DMD: variants seen among roughly 807,000 people sequenced by gnomAD.
The protein encoded by DMD is dystrophin, also known as mutant dystrophin.
In DMD, 63 loss-of-function variants were observed where a neutral mutation model predicts 330.1. The ratio of observed to expected loss-of-function variants is 0.19; its 90% CI spans 0.16 to 0.24. The LOEUF (loss-of-function observed/expected upper bound fraction) is 0.24. Ranked by LOEUF, DMD falls within the 10% of genes least tolerant of loss-of-function variation. DMD has a pLI of 1.00. For synonymous variants in DMD, 1,223 were observed against 959.8 expected (o/e 1.27, Z -5.07); for missense variants, 3,344 against 2,684.1 (o/e 1.25, Z -5.43).
chrX:32,538,754 G>A (rs774878712), intron 17 of DMD, among the ~76,000 whole-genome samples: 68 of 111,290 alleles, frequency 6.1e-4, no homozygotes, highest in Non-Finnish European at 9.8e-4. Flanking sequence ...ACCACTCCAC[G>A]CCTATTAGAA....
chrX:32,155,932 G>T (rs893952181), intron 44 of DMD, among the ~76,000 whole-genome samples: 1 of 106,908 alleles, frequency 9.4e-6, no homozygotes, highest in African/African-American at 3.4e-5. Context: ...AACAGCTCCA[G>T]AGGGTTAATA....
At chrX:32,567,264 T>G (rs2051838331) in intron 15 of DMD, among the ~76,000 whole-genome samples, 1 of 112,626 alleles carries the variant, frequency 8.9e-6, no homozygotes, top group Admixed American at 9.4e-5. Flanking sequence ...ATCTCTAATT[T>G]TTCCTTAACA....
intron 52 of DMD, among the ~76,000 whole-genome samples, chrX:31,699,829 C>A (rs1000685631): frequency 9.0e-6 from 1 of 111,321 alleles, no homozygotes; most frequent in Non-Finnish European, 1.9e-5. Context: ...GGTTCATGAG[C>A]ACTCACTGTA....
intron 62 of DMD, among the ~76,000 whole-genome samples, chrX:31,319,805 T>C (rs905091402): frequency 1.8e-5 from 2 of 112,547 alleles, no homozygotes; most frequent in African/African-American, 6.5e-5. Flanking sequence ...GAAGAACAAT[T>C]TTCTAACTCA....
chrX:31,925,840 C>T (rs1383934271), intron 47 of DMD, among the ~76,000 whole-genome samples: 2 of 103,103 alleles, frequency 1.9e-5, no homozygotes, highest in African/African-American at 7.2e-5. Flanking sequence ...CCATTGCACT[C>T]CAGCCTGGGC....
intron 55 of DMD, among the ~76,000 whole-genome samples, chrX:31,565,096 T>G (rs186555187): frequency 4.5e-5 from 5 of 112,210 alleles, no homozygotes; most frequent in Admixed American, 1.9e-4. Flanking sequence ...TATGTTCACA[T>G]GTAGTTGTGA....
chrX:33,019,993 G>T, intron 2 of DMD, 146 bp downstream of exon 2: 1 of 436,212 alleles, frequency 2.3e-6, no homozygotes. Context: ...AAATAAGAGT[G>T]AACATAATAT....
At chrX:31,626,088 G>A (rs1305439002) in intron 55 of DMD, among the ~76,000 whole-genome samples, 1 of 110,692 alleles carries the variant, frequency 9.0e-6, no homozygotes, top group Non-Finnish European at 1.9e-5. Flanking sequence ...GGGTTCAAGC[G>A]ATTCTCCCAC....
chrX:31,888,931 C>T (rs2094194630), intron 47 of DMD, among the ~76,000 whole-genome samples: 1 of 112,110 alleles, frequency 8.9e-6, no homozygotes, highest in Non-Finnish European at 1.9e-5. Context: ...GTGGATTTTA[C>T]TTACGATGCT....
At chrX:31,153,354 T>G (rs1329305934) in intron 74 of DMD, among the ~76,000 whole-genome samples, 1 of 112,375 alleles carries the variant, frequency 8.9e-6, no homozygotes, top group Admixed American at 9.4e-5. Flanking sequence ...TGTGTTTTTG[T>G]GGGGCTCTGA....
intron 11 of DMD, among the ~76,000 whole-genome samples, chrX:32,640,836 G>A (rs1044946917): frequency 3.6e-4 from 40 of 110,675 alleles, no homozygotes; most frequent in Middle Eastern, 4.6e-3. Flanking sequence ...AAAATCTGAT[G>A]GCTTTGTCTT....
chrX:32,197,556 C>A (rs2097012169), intron 44 of DMD, among the ~76,000 whole-genome samples: 1 of 111,413 alleles, frequency 9.0e-6, no homozygotes, highest in African/African-American at 3.3e-5. Flanking sequence ...CAATAGCATG[C>A]AAATATGTAT....
chrX:32,688,302 A>G (rs918028396), intron 9 of DMD, among the ~76,000 whole-genome samples: 1 of 112,194 alleles, frequency 8.9e-6, no homozygotes, highest in African/African-American at 3.2e-5. Context: ...CTCTGGTATC[A>G]AGAGACAAAA....
Position 32,167,493 on chromosome X carries a change from T to G in DMD, c.6438+49423A>C, listed in dbSNP as rs186707000. Among the ~76,000 whole-genome samples the G allele has an allele frequency of 6.2e-5, 7 of 112,106 alleles. No homozygotes were observed. The East Asian group carries it at 2.0e-3, about 31-fold the overall frequency. The stretch of plus-strand genomic sequence containing the variant: ...TTGAGACTACCCACCAGGATTGTTT[T>G]AGGATTAAAGGAGATAAGTCTTCAG... On this transcript the variant is annotated intron_variant, in intron 44 of 78. Transcript: ENST00000357033.
At chrX:32,001,803 G>A (rs930534460) in intron 44 of DMD, among the ~76,000 whole-genome samples, 1 of 111,390 alleles carries the variant, frequency 9.0e-6, no homozygotes, top group East Asian at 2.8e-4. Flanking sequence ...CCGGAAAAAC[G>A]TGTGACCAAT....
At chrX:32,325,449 T>C (rs1004904422) in intron 41 of DMD, among the ~76,000 whole-genome samples, 5 of 111,889 alleles carry the variant, frequency 4.5e-5, no homozygotes, top group Non-Finnish European at 7.5e-5. Context: ...ATTGACTTTA[T>C]TGTTCATAAT....
At chrX:32,401,440 C>G (rs971722133) in intron 30 of DMD, among the ~76,000 whole-genome samples, 1 of 111,607 alleles carries the variant, frequency 9.0e-6, no homozygotes, top group Non-Finnish European at 1.9e-5. Flanking sequence ...TACGTTATTA[C>G]GTTAAGTGAA....
chrX:31,617,696 C>T (rs188074156), intron 55 of DMD, among the ~76,000 whole-genome samples: 10 of 111,243 alleles, frequency 9.0e-5, no homozygotes, highest in African/African-American at 2.0e-4. Context: ...ACTGAACTAC[C>T]GTTCAACCCA....
At chrX:33,289,292 T>G (rs924952523) in intron 1 of DMD, among the ~76,000 whole-genome samples, 2 of 110,810 alleles carry the variant, frequency 1.8e-5, no homozygotes, top group Non-Finnish European at 3.8e-5. Context: ...AGAAGAGCCC[T>G]AAGTCATGCT....
Sources: gnomAD v4.1 joint callset for allele counts (sites outside exome capture counted in the v4.1 genomes callset) on GRCh38, gnomAD v4.1.1 for gene constraint, MANE v1.5 for transcripts, NCBI Gene and HGNC (gene_info 2026-07-23, HGNC 2026-07-21) for gene names.